The following SRGAP2 variants were observed in gnomAD, a reference collection of about 807,000 sequenced individuals.
SRGAP2 encodes the protein SLIT-ROBO Rho GTPase-activating protein 2.
In SRGAP2, 15 loss-of-function variants were observed where a neutral mutation model predicts 57.2. The observed-to-expected ratio is 0.26, with a 90% confidence interval of 0.18 to 0.40. The LOEUF (loss-of-function observed/expected upper bound fraction) is 0.40. Ranked by LOEUF, SRGAP2 falls within the 10% of genes least tolerant of loss-of-function variation. SRGAP2 has a pLI of 1.00. For synonymous variants in SRGAP2, 249 were observed against 248.0 expected, an observed-to-expected ratio of 1.00 and a Z score of -0.04; for missense variants, 520 against 669.6, an observed-to-expected ratio of 0.78 and a Z score of 2.47.
intron 4 of SRGAP2, among the ~76,000 whole-genome samples, chr1:206,354,258 T>C (rs1553338871): frequency 6.6e-6 from 1 of 152,084 alleles, no homozygotes; most frequent in Non-Finnish European, 1.5e-5. Context: ...CTCTGAAGAG[T>C]ATGAAGTTTT....
chr1:206,309,481 A>T (rs1442601475), intron 3 of SRGAP2, among the ~76,000 whole-genome samples: 3 of 147,748 alleles, frequency 2.0e-5, no homozygotes, highest in Non-Finnish European at 4.4e-5. Flanking sequence ...AAAAAAAAAA[A>T]GTTGGGGGAG....
intron 10 of SRGAP2, among the ~76,000 whole-genome samples, chr1:206,415,369 C>G (rs1331358093): frequency 2.0e-5 from 3 of 152,208 alleles, no homozygotes; most frequent in African/African-American, 7.2e-5. Context: ...AGACTCCATG[C>G]AGAATAGAGA....
chr1:206,306,824 G>C (rs1672236201), intron 3 of SRGAP2, among the ~76,000 whole-genome samples: 4 of 152,110 alleles, frequency 2.6e-5, no homozygotes, highest in African/African-American at 4.8e-5. Flanking sequence ...TTAAACACAG[G>C]GTGCTGATTG....
At position 206,438,127 on chromosome 1, in the gene SRGAP2, T is replaced by C. The variant is rs545985764; in HGVS notation, c.1768+29T>C. The C allele has an allele frequency of 2.4e-4, 189 of 779,844 alleles. 3 individuals are homozygous for C. In the South Asian group the frequency reaches 2.5e-3, roughly 10 times the overall value. The allele number at this position is 779,844 out of a possible 1,614,324, so 48.3% of individuals were successfully genotyped here. On this transcript the variant is annotated intron_variant, in intron 16 of 22. Coordinates refer to ENST00000573034, the MANE Select transcript of SRGAP2 (RefSeq NM_015326.5). The stretch of plus-strand genomic sequence containing the variant: ...AGTACCATTCTGGCTTCAGATTGGC[T>C]TCTGGGCTACAGCACCGGTAGCAAG...
At chr1:206,415,098 AATG>A (rs1454867676) in intron 10 of SRGAP2, among the ~76,000 whole-genome samples, 1 of 152,130 alleles carries the variant, frequency 6.6e-6, no homozygotes, top group Non-Finnish European at 1.5e-5. Context: ...GTAAAATGGA[AATG>A]ATGATGATGA....
chr1:206,225,840 T>G (rs1667243321), intron 2 of SRGAP2, among the ~76,000 whole-genome samples: 2 of 152,040 alleles, frequency 1.3e-5, no homozygotes, highest in African/African-American at 4.8e-5. Context: ...AAACTGGAGT[T>G]CTGAGCTGCC....
At chr1:206,432,819 C>T (rs1661391030) in intron 14 of SRGAP2, among the ~76,000 whole-genome samples, 1 of 152,206 alleles carries the variant, frequency 6.6e-6, no homozygotes, top group South Asian at 2.1e-4. Flanking sequence ...GTGCTCAGAA[C>T]ATGTACATTG....
At chr1:206,256,810 A>G (rs1382627826) in intron 2 of SRGAP2, among the ~76,000 whole-genome samples, 1 of 152,232 alleles carries the variant, frequency 6.6e-6, no homozygotes, top group Non-Finnish European at 1.5e-5. Flanking sequence ...TCCAAAGAAA[A>G]GAAAGGAAGA....
chr1:206,301,251 G>A (rs1671855759), intron 2 of SRGAP2, among the ~76,000 whole-genome samples: 1 of 152,068 alleles, frequency 6.6e-6, no homozygotes, highest in Non-Finnish European at 1.5e-5. Context: ...TAGCCAGGAT[G>A]GTCTCGATCT....
At chr1:206,385,794 A>G (rs1656176718) in intron 5 of SRGAP2, among the ~76,000 whole-genome samples, 1 of 152,208 alleles carries the variant, frequency 6.6e-6, no homozygotes, top group Admixed American at 6.5e-5. Context: ...ATATTCGCCA[A>G]CTACTTTACT....
At position 206,461,213 on chromosome 1, in the gene SRGAP2, C is replaced by T. The variant is rs1553380538; in HGVS notation, c.3009C>T (p.Asp1003=). The T allele has an allele frequency of 3.8e-6, 3 of 780,514 alleles. No homozygotes were observed. Among genetic ancestry groups the T allele is most frequent in the Non-Finnish European group, 7.2e-6 (3 of 417,854 alleles). The allele number at this position is 780,514 out of a possible 1,614,324, so 48.3% of individuals were successfully genotyped here. ...SSPLHTQLLK[D]PEPAFQRSAS... is the part of the protein sequence containing the mutation. ...CTCTGCACACCCAGCTCCTCAAGGA[C>T]CCCGAGCCCGCCTTCCAGCGCAGCG... The change falls in exon 23 of 23, where the codon GAC becomes GAT. Residue 1003 remains aspartate, a synonymous_variant. Transcript: ENST00000573034.
chr1:206,414,195 C>T (rs968403927), intron 10 of SRGAP2, among the ~76,000 whole-genome samples: 5 of 151,926 alleles, frequency 3.3e-5, no homozygotes, highest in East Asian at 3.9e-4. Flanking sequence ...CCACCATGCC[C>T]GGCTAATTTT....
chr1:206,314,045 G>A (rs1258467779), intron 3 of SRGAP2, among the ~76,000 whole-genome samples: 1 of 151,412 alleles, frequency 6.6e-6, no homozygotes, highest in Non-Finnish European at 1.5e-5. Context: ...TTTGACTTGG[G>A]TGATTGATAA....
intron 21 of SRGAP2, among the ~76,000 whole-genome samples, chr1:206,457,262 T>A (rs1663917376): frequency 6.6e-6 from 1 of 152,034 alleles, no homozygotes; most frequent in Non-Finnish European, 1.5e-5. Context: ...TTCTACACAT[T>A]TATTAAGTAT....
At chr1:206,346,525 A>C (rs1460686104) in intron 4 of SRGAP2, among the ~76,000 whole-genome samples, 5 of 152,274 alleles carry the variant, frequency 3.3e-5, no homozygotes, top group African/African-American at 1.2e-4. Flanking sequence ...GCATTATTTC[A>C]GGTGCTGATA....
At chr1:206,335,560 G>A (rs1235572274) in intron 3 of SRGAP2, among the ~76,000 whole-genome samples, 1 of 152,030 alleles carries the variant, frequency 6.6e-6, no homozygotes, top group Non-Finnish European at 1.5e-5. Context: ...GGGAGAAGCA[G>A]GTCAGAAAAA....
intron 2 of SRGAP2, among the ~76,000 whole-genome samples, chr1:206,253,550 CTT>C (rs760214345): frequency 6.7e-5 from 10 of 149,042 alleles, no homozygotes; most frequent in Non-Finnish European, 1.3e-4. Context: ...CTCTCTCTCT[CTT>C]TCTTTCTCTT....
intron 13 of SRGAP2, among the ~76,000 whole-genome samples, chr1:206,422,888 C>A (rs1421851092): frequency 6.6e-6 from 1 of 152,140 alleles, no homozygotes; most frequent in African/African-American, 2.4e-5. Flanking sequence ...ATTCTGCTGC[C>A]CCAGTTTCTC....
chr1:206,244,718 T>A (rs182827114), intron 2 of SRGAP2, among the ~76,000 whole-genome samples: 2,980 of 152,130 alleles, frequency 0.02, 44 homozygotes, highest in Non-Finnish European at 0.031. Context: ...GGAAAAAAAA[T>A]TTGTTTTTGT....
Sources: allele counts gnomAD v4.1 joint callset (sites outside exome capture counted in the v4.1 genomes callset), GRCh38; gene constraint gnomAD v4.1.1; transcripts MANE v1.5; gene names NCBI Gene and HGNC (gene_info 2026-07-23, HGNC 2026-07-21).